RETREG1: variants seen among roughly 807,000 people sequenced by gnomAD.
RETREG1 encodes family with sequence similarity 134 member B.
A neutral mutation model predicts 54.8 loss-of-function variants in RETREG1; 44 were observed. That is an observed-to-expected ratio of 0.80 (90% confidence interval 0.63 to 1.03). The LOEUF (loss-of-function observed/expected upper bound fraction) is 1.03. RETREG1 is among the 50% of genes least tolerant of loss of function. The pLI is 0.00. For synonymous variants in RETREG1, 217 were observed against 238.5 expected (o/e 0.91, Z 0.83); for missense variants, 554 against 605.1 (o/e 0.92, Z 0.89).
Position 16,533,182 on chromosome 5 carries a change from C to G in RETREG1, c.458+32581G>C, listed in dbSNP as rs554151087. On this transcript the variant is annotated intron_variant, in intron 3 of 8. Transcript: ENST00000306320. ...GCCTCAGCCTCCTGAGTAGCTGGAACTACAGGCACCCGCCACCACACCCAG... is the reference window on the plus strand; with the variant it reads ...GCCTCAGCCTCCTGAGTAGCTGGAAGTACAGGCACCCGCCACCACACCCAG... 1.5e-3 allele frequency among the ~76,000 whole-genome samples: 229 copies of G among 152,146 alleles called. 2 individuals carry two copies. The highest frequency in any genetic ancestry group is 1.8e-3 in the Non-Finnish European group (125 of 68,010).
At chr5:16,499,698 AC>A (rs1484273034) in intron 3 of RETREG1, among the ~76,000 whole-genome samples, 1 of 152,102 alleles carries the variant, frequency 6.6e-6, no homozygotes, top group Non-Finnish European at 1.5e-5. Flanking sequence ...CACCACCACC[AC>A]CATCATGTGT....
At chr5:16,571,616 C>A (rs1408208799) in intron 2 of RETREG1, among the ~76,000 whole-genome samples, 1 of 151,680 alleles carries the variant, frequency 6.6e-6, no homozygotes, top group Non-Finnish European at 1.5e-5. Flanking sequence ...GCTTTTAAAC[C>A]CTGAATTAGT....
chr5:16,530,526 A>G (rs570927907), intron 3 of RETREG1, among the ~76,000 whole-genome samples: 1 of 152,332 alleles, frequency 6.6e-6, no homozygotes, highest in East Asian at 1.9e-4. Context: ...TATGCAAAAC[A>G]CTGAGACCAG....
At chr5:16,514,208 TA>T (rs1275727161) in intron 3 of RETREG1, among the ~76,000 whole-genome samples, 1 of 152,190 alleles carries the variant, frequency 6.6e-6, no homozygotes, top group Non-Finnish European at 1.5e-5. Context: ...ATGAATAACC[TA>T]GAGCTCAAGG....
intron 1 of RETREG1, among the ~76,000 whole-genome samples, chr5:16,579,421 T>G (rs1465073584): frequency 1.3e-5 from 2 of 152,200 alleles, no homozygotes; most frequent in African/African-American, 2.4e-5. Context: ...CCTCTTAATC[T>G]GCCTGCTCCC....
At chr5:16,587,549 A>G (rs1049786840) in intron 1 of RETREG1, among the ~76,000 whole-genome samples, 2 of 152,348 alleles carry the variant, frequency 1.3e-5, no homozygotes, top group East Asian at 3.9e-4. Context: ...GTGGACGTCT[A>G]TCTTTCAAAT....
chr5:16,530,671 G>A (rs556511164), intron 3 of RETREG1, among the ~76,000 whole-genome samples: 11 of 152,222 alleles, frequency 7.2e-5, no homozygotes, highest in South Asian at 4.1e-4. Context: ...TCAGGAGTTC[G>A]AGACCAGCCT....
chr5:16,498,482 G>A (rs1739560133), intron 3 of RETREG1, among the ~76,000 whole-genome samples: 2 of 152,250 alleles, frequency 1.3e-5, no homozygotes, highest in Non-Finnish European at 2.9e-5. Flanking sequence ...GGAAGTCGAG[G>A]CGGATGGATT....
chr5:16,577,202 T>C (rs1436192502), intron 1 of RETREG1, among the ~76,000 whole-genome samples: 1 of 152,200 alleles, frequency 6.6e-6, no homozygotes, highest in Non-Finnish European at 1.5e-5. Context: ...TGTTGTATCC[T>C]TGTGATTTGG....
At chr5:16,609,034 T>A (rs1743269915) in intron 1 of RETREG1, among the ~76,000 whole-genome samples, 1 of 152,200 alleles carries the variant, frequency 6.6e-6, no homozygotes, top group African/African-American at 2.4e-5. Context: ...CTACTAGCCT[T>A]GTGTGGCTAT....
intron 1 of RETREG1, among the ~76,000 whole-genome samples, chr5:16,607,754 T>C (rs974471326): frequency 5.9e-5 from 9 of 152,122 alleles, no homozygotes; most frequent in African/African-American, 2.2e-4. Flanking sequence ...CTTAGCATGG[T>C]CCAATAGTAA....
intron 2 of RETREG1, among the ~76,000 whole-genome samples, chr5:16,571,213 C>A (rs2126632914): frequency 6.6e-6 from 1 of 152,266 alleles, no homozygotes; most frequent in Admixed American, 6.5e-5. Flanking sequence ...GGACTATAAT[C>A]CAGGCAGCTC....
At chr5:16,614,898 T>C (rs1242966494) in intron 1 of RETREG1, among the ~76,000 whole-genome samples, 2 of 152,074 alleles carry the variant, frequency 1.3e-5, no homozygotes, top group African/African-American at 4.8e-5. Flanking sequence ...ACAATTTGCA[T>C]AGAATATGGT....
chr5:16,581,526 A>AACACACAC (rs3993834), intron 1 of RETREG1, among the ~76,000 whole-genome samples: 48 of 143,730 alleles, frequency 3.3e-4, no homozygotes, highest in African/African-American at 8.8e-4. Context: ...TCAGAAACAC[A>AACACACAC]ACACACACAC....
At chr5:16,546,106 A>G (rs1446544428) in intron 3 of RETREG1, among the ~76,000 whole-genome samples, 1 of 152,222 alleles carries the variant, frequency 6.6e-6, no homozygotes, top group Admixed American at 6.5e-5. Context: ...AGAAACAAAC[A>G]TGAAAAAGAA....
intron 1 of RETREG1, among the ~76,000 whole-genome samples, chr5:16,603,610 G>A (rs1452907845): frequency 1.3e-5 from 2 of 152,098 alleles, no homozygotes; most frequent in Non-Finnish European, 1.5e-5. Flanking sequence ...ACTGGCGGGT[G>A]TGGCCTCTCC....
chr5:16,582,667 A>G (rs1742520777), intron 1 of RETREG1, among the ~76,000 whole-genome samples: 1 of 152,072 alleles, frequency 6.6e-6, no homozygotes, highest in African/African-American at 2.4e-5. Flanking sequence ...AATAAGAAAA[A>G]AAAAAAAACG....
chr5:16,547,066 G>A (rs1303393678), intron 3 of RETREG1, among the ~76,000 whole-genome samples: 2 of 152,164 alleles, frequency 1.3e-5, no homozygotes, highest in Non-Finnish European at 2.9e-5. Flanking sequence ...GACACAATGC[G>A]AGGGACCGTT....
At chr5:16,598,649 A>G (rs1742968035) in intron 1 of RETREG1, among the ~76,000 whole-genome samples, 1 of 152,160 alleles carries the variant, frequency 6.6e-6, no homozygotes, top group Admixed American at 6.5e-5. Context: ...TGTTACTCAT[A>G]TTTGTCATAC....
Sources: allele counts gnomAD v4.1 joint callset (sites outside exome capture counted in the v4.1 genomes callset), GRCh38; gene constraint gnomAD v4.1.1; transcripts MANE v1.5; gene names NCBI Gene and HGNC (gene_info 2026-07-23, HGNC 2026-07-21).